WDR45B: variants seen among roughly 807,000 people sequenced by gnomAD.
The protein encoded by WDR45B is WD repeat domain 45B.
A neutral mutation model predicts 44.6 loss-of-function variants in WDR45B; 20 were observed. The observed-to-expected ratio is 0.45, with a 90% CI of 0.32 to 0.65. The LOEUF (loss-of-function observed/expected upper bound fraction) is 0.65. WDR45B is among the 30% of genes least tolerant of loss of function. The pLI is 0.05. For synonymous variants in WDR45B, 169 were observed against 164.9 expected (o/e 1.02, Z -0.19); for missense variants, 323 against 430.2 (o/e 0.75, Z 2.20).
At chr17:82,631,357 T>C (rs112659522) in intron 2 of WDR45B, among the ~76,000 whole-genome samples, 1 of 144,134 alleles carries the variant, frequency 6.9e-6, no homozygotes, top group East Asian at 2.1e-4. Flanking sequence ...GATCTCGGCT[T>C]ACTGCAACCT....
intron 2 of WDR45B, among the ~76,000 whole-genome samples, chr17:82,642,161 C>T (rs1333857326): frequency 2.0e-5 from 3 of 152,114 alleles, no homozygotes; most frequent in Non-Finnish European, 4.4e-5. Context: ...GGGTCTGCAA[C>T]CCCGGGGCAG....
chr17:82,627,777 C>T (rs939003179), intron 3 of WDR45B, among the ~76,000 whole-genome samples: 1 of 152,272 alleles, frequency 6.6e-6, no homozygotes, highest in African/African-American at 2.4e-5. Context: ...TCTGCCAACC[C>T]TTGCCCTTGC....
At chr17:82,646,014 G>T (rs1275777490) in intron 1 of WDR45B, among the ~76,000 whole-genome samples, 2 of 151,796 alleles carry the variant, frequency 1.3e-5, no homozygotes, top group Non-Finnish European at 2.9e-5. Flanking sequence ...CCAACTACTC[G>T]GGAGCCTGAG....
At chr17:82,647,549 T>C (rs1411423742) in intron 1 of WDR45B, among the ~76,000 whole-genome samples, 2 of 152,102 alleles carry the variant, frequency 1.3e-5, no homozygotes, top group Non-Finnish European at 2.9e-5. Flanking sequence ...AATCATCCAG[T>C]GCTTACACCT....
At chr17:82,640,361 T>C (rs1338726979) in intron 2 of WDR45B, among the ~76,000 whole-genome samples, 1 of 151,762 alleles carries the variant, frequency 6.6e-6, no homozygotes, top group Non-Finnish European at 1.5e-5. Flanking sequence ...TTCTTTTTTT[T>C]TTTTTTTTAA....
chr17:82,633,045 C>T (rs2045788258), intron 2 of WDR45B, among the ~76,000 whole-genome samples: 1 of 151,786 alleles, frequency 6.6e-6, no homozygotes, highest in Non-Finnish European at 1.5e-5. Context: ...CGCCTGTAAT[C>T]CCAGCTATAT....
At chr17:82,643,275 A>C (rs1165490747) in intron 2 of WDR45B, among the ~76,000 whole-genome samples, 1 of 152,170 alleles carries the variant, frequency 6.6e-6, no homozygotes, top group Non-Finnish European at 1.5e-5. Context: ...TCTACTAAAA[A>C]TACAAAAATT....
At chr17:82,619,975 G>C (rs944539672) in intron 6 of WDR45B, among the ~76,000 whole-genome samples, 2 of 152,230 alleles carry the variant, frequency 1.3e-5, no homozygotes, top group East Asian at 3.8e-4. Context: ...ATCCACATTT[G>C]TAACGGGGAT....
chr17:82,633,226 C>T (rs1466612948), intron 2 of WDR45B, among the ~76,000 whole-genome samples: 1 of 149,976 alleles, frequency 6.7e-6, no homozygotes, highest in Admixed American at 6.6e-5. Flanking sequence ...TTTTGTGCAC[C>T]AAAGGACACA....
chr17:82,627,734 C>CG (rs1164104880), intron 3 of WDR45B, among the ~76,000 whole-genome samples: 1 of 152,280 alleles, frequency 6.6e-6, no homozygotes, highest in Admixed American at 6.5e-5. Context: ...CCACTGGCCT[C>CG]GCACACAGGC....
intron 7 of WDR45B, chr17:82,617,653 CTG>C (rs2045556008): frequency 3.9e-6 from 2 of 512,876 alleles, no homozygotes; most frequent in African/African-American, 1.9e-5. Flanking sequence ...AGCTGATGAG[CTG>C]TGTGTCTGGG....
At chr17:82,619,212 A>G (rs1247236161) in intron 6 of WDR45B, 84 bp from the exon 7 acceptor site, 51 of 1,269,960 alleles carry the variant, frequency 4.0e-5, no homozygotes, top group Non-Finnish European at 5.6e-5. Context: ...TCACAAATCC[A>G]TTAGTCCACA....
Position 82,641,903 on chromosome 17 carries a change from G to C in WDR45B, c.142+2046C>G, listed in dbSNP as rs150100007. On this transcript the variant is annotated intron_variant, in intron 2 of 9. Coordinates refer to ENST00000392325, the MANE Select transcript of WDR45B (RefSeq NM_019613.4). ...ACAGAGCGAGACAACGTCAGAGATA[G>C]ATATGTATATATCTCCAAGAGGTAT... is the stretch of plus-strand genomic sequence containing the variant. Among the ~76,000 whole-genome samples, 554 of 151,506 alleles carry C rather than the reference G, an allele frequency of 3.7e-3. 8 individuals are homozygous for C. Among genetic ancestry groups the C allele is most frequent in the African/African-American group, 0.013 (540 of 41,230 alleles).
intron 5 of WDR45B, among the ~76,000 whole-genome samples, chr17:82,624,311 G>C (rs947036470): frequency 6.6e-6 from 1 of 152,250 alleles, no homozygotes; most frequent in African/African-American, 2.4e-5. Flanking sequence ...GCCCAGGCGG[G>C]AGTGCAGTGG....
intron 5 of WDR45B, among the ~76,000 whole-genome samples, chr17:82,623,825 C>T (rs757017319): frequency 7.9e-5 from 12 of 152,028 alleles, no homozygotes; most frequent in South Asian, 4.1e-4. Flanking sequence ...GGAAAGATGT[C>T]GCCACCGCCA....
At chr17:82,643,678 T>G (rs775226535) in intron 2 of WDR45B, among the ~76,000 whole-genome samples, 1 of 152,180 alleles carries the variant, frequency 6.6e-6, no homozygotes, top group Non-Finnish European at 1.5e-5. Flanking sequence ...ATCCCTGATG[T>G]GACAGGAAAA....
chr17:82,627,890 G>A (rs1325285870), intron 3 of WDR45B, among the ~76,000 whole-genome samples: 3 of 152,246 alleles, frequency 2.0e-5, no homozygotes, highest in Non-Finnish European at 4.4e-5. Context: ...AAATAAACCT[G>A]CATCAGGAAG....
rs994274907 is a variant in WDR45B, at chr17:82,615,321, G to C, written c.*598C>G. ...CACGGGCACAGATGACCACGTTGCG[G>C]GTACGGAGAAGACCACAGGCTGGGC... On this transcript the variant is annotated 3_prime_UTR_variant, in exon 10 of 10. Coordinates refer to ENST00000392325, the MANE Select transcript of WDR45B (RefSeq NM_019613.4). The C allele has an allele frequency of 6.2e-6, 1 of 160,896 alleles. No homozygotes were observed. The highest frequency in any genetic ancestry group is 2.4e-5 in the African/African-American group (1 of 41,480). 10.0% of individuals were successfully genotyped at this position (160,896 alleles called of 1,614,324 possible).
At chr17:82,631,892 G>A (rs1323297157) in intron 2 of WDR45B, among the ~76,000 whole-genome samples, 2 of 151,658 alleles carry the variant, frequency 1.3e-5, no homozygotes, top group Non-Finnish European at 2.9e-5. Flanking sequence ...AGACCATCTG[G>A]GCCAACATGG....
Sources: allele counts gnomAD v4.1 joint callset (sites outside exome capture counted in the v4.1 genomes callset), GRCh38; gene constraint gnomAD v4.1.1; transcripts MANE v1.5; gene names NCBI Gene and HGNC (gene_info 2026-07-23, HGNC 2026-07-21).